Variants in OTULINL observed in about 807,000 individuals in gnomAD.
The protein encoded by OTULINL is inactive ubiquitin thioesterase OTULINL.
OTULINL carries 42 observed loss-of-function variants against 43.9 expected under a neutral mutation model. That is an observed-to-expected ratio of 0.96 (90% CI 0.75 to 1.24). OTULINL has a LOEUF of 1.24. OTULINL is among the 50% of genes most tolerant of loss of function. The pLI is 0.00. For synonymous variants in OTULINL, 172 were observed against 153.6 expected (o/e 1.12, Z -0.88); for missense variants, 411 against 426.4 (o/e 0.96, Z 0.32).
At position 14,611,162 on chromosome 5, in the gene OTULINL, G is replaced by A. The variant is rs764191565; in HGVS notation, c.*848G>A. ...CCCTATGCTCCCCAAAGATGTCTGT[G>A]TCTGAATCCTCAGAGCCGTAAAGGG... On this transcript the variant is annotated 3_prime_UTR_variant, in exon 8 of 8. Coordinates refer to ENST00000274217, the MANE Select transcript of OTULINL (RefSeq NM_019018.3). The A allele has an allele frequency of 3.3e-5, 5 of 152,194 alleles. No homozygotes were observed. The highest frequency in any genetic ancestry group is 5.9e-5 in the Non-Finnish European group (4 of 68,038). The allele number at this position is 152,194 out of a possible 1,614,324, so 9.4% of individuals were successfully genotyped here. A position where few individuals can be genotyped will look rare whatever the true frequency, so the allele number is the denominator to read the frequency against.
chr5:14,585,915 GAATT>G (rs1759095177), intron 1 of OTULINL, among the ~76,000 whole-genome samples: 1 of 152,214 alleles, frequency 6.6e-6, no homozygotes, highest in Admixed American at 6.5e-5. Flanking sequence ...AAGCTGTTCT[GAATT>G]AAGATTGGGT....
intron 1 of OTULINL, among the ~76,000 whole-genome samples, chr5:14,584,377 G>A (rs1759069600): frequency 6.6e-6 from 1 of 152,188 alleles, no homozygotes; most frequent in Non-Finnish European, 1.5e-5. Flanking sequence ...GGAATGCCCA[G>A]TGTGGAACGG....
chr5:14,602,797 C>G (rs1349389482), intron 5 of OTULINL, among the ~76,000 whole-genome samples: 1 of 152,178 alleles, frequency 6.6e-6, no homozygotes, highest in African/African-American at 2.4e-5. Context: ...TGCAAATAAA[C>G]CATCTCAGAA....
intron 5 of OTULINL, among the ~76,000 whole-genome samples, chr5:14,605,272 C>A (rs904753922): frequency 2.6e-5 from 4 of 152,066 alleles, no homozygotes; most frequent in Admixed American, 2.6e-4. Context: ...CTTGCTTGGC[C>A]CCTTTTAGTC....
intron 7 of OTULINL, 47 bp from the exon 8 acceptor site, chr5:14,610,094 G>C (rs772485367): frequency 6.4e-7 from 1 of 1,558,274 alleles, no homozygotes; most frequent in Non-Finnish European, 8.8e-7. Flanking sequence ...CGGGAGGCAG[G>C]AATTTGCAAG....
chr5:14,591,559 T>G (rs1759202721), intron 1 of OTULINL, among the ~76,000 whole-genome samples: 1 of 151,418 alleles, frequency 6.6e-6, no homozygotes, highest in Non-Finnish European at 1.5e-5. Context: ...CAGGAAGGAG[T>G]AAAGGCGGTA....
At chr5:14,597,355 C>T (rs902059507) in intron 1 of OTULINL, among the ~76,000 whole-genome samples, 3 of 152,118 alleles carry the variant, frequency 2.0e-5, no homozygotes, top group Admixed American at 1.3e-4. Flanking sequence ...CTACTATGTG[C>T]TGTCTTCATT....
At chr5:14,596,065 C>A (rs1248099195) in intron 1 of OTULINL, among the ~76,000 whole-genome samples, 1 of 152,176 alleles carries the variant, frequency 6.6e-6, no homozygotes, top group Non-Finnish European at 1.5e-5. Context: ...CTTCCCCTTG[C>A]AACTTCCTTG....
intron 1 of OTULINL, among the ~76,000 whole-genome samples, chr5:14,586,598 A>G (rs1455773407): frequency 1.6e-4 from 25 of 152,242 alleles, no homozygotes; most frequent in Admixed American, 1.6e-3. Context: ...TCAAGTCTGT[A>G]GAATTATTGG....
intron 1 of OTULINL, among the ~76,000 whole-genome samples, chr5:14,589,904 T>A (rs1759169207): frequency 6.6e-6 from 1 of 152,026 alleles, no homozygotes; most frequent in Non-Finnish European, 1.5e-5. Context: ...ATCATGCCAC[T>A]GCACTCCAGC....
chr5:14,608,845 C>T lies in OTULINL; in HGVS notation c.725C>T (p.Ala242Val), dbSNP rs755806851. The T allele has an allele frequency of 6.2e-7, 1 of 1,613,808 alleles. No individual in the cohort carries two copies. The highest frequency in any genetic ancestry group is 1.7e-5 in the Admixed American group (1 of 60,012). ...DAILEYKLYE[A>V]LKFIMLYQVT... ...ATTCTGGAATATAAACTTTATGAAGCTTTAAAGTTCATCATGCTGTATCAA... is the reference window on the plus strand; with the variant it reads ...ATTCTGGAATATAAACTTTATGAAGTTTTAAAGTTCATCATGCTGTATCAA... Residue 242 changes from alanine to valine, a missense_variant, in exon 7 of 8, where the codon GCT (alanine) becomes GTT (valine). Transcript: ENST00000274217.
chr5:14,607,212 A>G, intron 5 of OTULINL, 118 bp from the exon 6 acceptor site: 2 of 1,121,874 alleles, frequency 1.8e-6, no homozygotes, highest in Non-Finnish European at 2.5e-6. Context: ...CCTGGGCAAC[A>G]GAGTGAGATT....
chr5:14,614,819 C>A lies in OTULINL; in HGVS notation c.*4505C>A. On this transcript the variant is annotated 3_prime_UTR_variant, in exon 8 of 8. Transcript: ENST00000274217. ...TTATAATCCTAGCTGGTGTCTCGTT[C>A]TGTTTAAAAAAATCAAATTTCTGTA... 5.0e-6 allele frequency: 2 copies of A among 398,288 alleles called. No individual in the cohort carries two copies. Among genetic ancestry groups the A allele is most frequent in the South Asian group, 2.6e-4 (2 of 7,658 alleles). The allele number at this position is 398,288 out of a possible 1,614,324, so 24.7% of individuals were successfully genotyped here. A position where few individuals can be genotyped will look rare whatever the true frequency, so the allele number is the denominator to read the frequency against.
chr5:14,589,073 A>G (rs898872956), intron 1 of OTULINL, among the ~76,000 whole-genome samples: 17 of 152,188 alleles, frequency 1.1e-4, no homozygotes, highest in Admixed American at 2.6e-4. Context: ...AGAAATATGT[A>G]TTAACTGTCT....
rs1326213466 is a variant in OTULINL, at chr5:14,607,438, G to A, written c.607G>A (p.Val203Met). 1.2e-6 allele frequency: 2 copies of A among 1,614,018 alleles called. No individual in the cohort carries two copies. The highest frequency in any genetic ancestry group is 3.3e-5 in the Admixed American group (2 of 60,002). ...TGTGTTTGGAAAACTACGGAAATAT[G>A]TGGAATTATTGAAAACACAGGTAAG... ...SNVFGKLRKY[V>M]ELLKTQWTEF... The change falls in exon 6 of 8, where the codon GTG becomes ATG. Residue 203 changes from valine (V) to methionine (M), a missense_variant. Val to Met is a conservative substitution (Grantham distance 21, BLOSUM62 1). Coordinates refer to ENST00000274217, the MANE Select transcript of OTULINL (RefSeq NM_019018.3).
Position 14,599,792 on chromosome 5 carries a change from C to T in OTULINL, c.65-1173C>T, listed in dbSNP as rs920093552. Among the ~76,000 whole-genome samples, 4 of 152,166 alleles carry T rather than the reference C, an allele frequency of 2.6e-5. No individual in the cohort carries two copies. The South Asian group carries it at 8.3e-4, about 31-fold the overall frequency. ...ATCTACTGAACATAGCAAAATATTA[C>T]AAGTGCACTGTTTGAACTCTCTAGT... On this transcript the variant is annotated intron_variant, in intron 1 of 7. Coordinates refer to ENST00000274217, the MANE Select transcript of OTULINL (RefSeq NM_019018.3).
At chr5:14,596,309 G>A (rs1759286679) in intron 1 of OTULINL, among the ~76,000 whole-genome samples, 1 of 152,206 alleles carries the variant, frequency 6.6e-6, no homozygotes, top group African/African-American at 2.4e-5. Flanking sequence ...GGATGAGGCG[G>A]GAAAGCTGGG....
rs1759502061 is a variant in OTULINL at position 14,607,427 on chromosome 5, T to C, written c.596T>C (p.Leu199Pro). 6.2e-7 allele frequency: 1 copy of C among 1,614,134 alleles called. No individual in the cohort carries two copies. Among genetic ancestry groups the C allele is most frequent in the Non-Finnish European group, 8.5e-7 (1 of 1,179,998 alleles). The change falls in exon 6 of 8, where the codon CTA becomes CCA. Residue 199 changes from leucine to proline, a missense_variant. Coordinates refer to ENST00000274217, the MANE Select transcript of OTULINL (RefSeq NM_019018.3). The stretch of plus-strand genomic sequence containing the variant: ...ACAGGCTCGAATGTGTTTGGAAAAC[T>C]ACGGAAATATGTGGAATTATTGAAA... ...KYTGSNVFGK[L>P]RKYVELLKTQ...
intron 1 of OTULINL, among the ~76,000 whole-genome samples, chr5:14,595,483 G>A (rs946995787): frequency 1.1e-4 from 16 of 151,904 alleles, no homozygotes; most frequent in African/African-American, 3.9e-4. Flanking sequence ...CTTGGTTTCC[G>A]GCTCTTCAGT....
Sources: gnomAD v4.1 joint callset for allele counts (sites outside exome capture counted in the v4.1 genomes callset) on GRCh38, gnomAD v4.1.1 for gene constraint, MANE v1.5 for transcripts, NCBI Gene and HGNC (gene_info 2026-07-23, HGNC 2026-07-21) for gene names.